Variants in CAMTA1 observed in about 807,000 individuals in gnomAD.
CAMTA1 encodes the protein calmodulin-binding transcription activator 1.
In CAMTA1, 27 loss-of-function variants were observed where a neutral mutation model predicts 170.9. The ratio of observed to expected loss-of-function variants is 0.16; its 90% CI spans 0.12 to 0.22. CAMTA1 has a LOEUF of 0.22. Among genes scored for constraint, CAMTA1 ranks in the 10% least tolerant of loss-of-function variants. The pLI, the probability that CAMTA1 is intolerant of heterozygous loss-of-function variation, is 1.00. For synonymous variants in CAMTA1, 833 were observed against 891.5 expected, an observed-to-expected ratio of 0.93 and a Z score of 1.17; for missense variants, 1,619 against 2,217.2, an observed-to-expected ratio of 0.73 and a Z score of 5.42.
chr1:7,127,397 CAA>C (rs1379549679), intron 4 of CAMTA1, among the ~76,000 whole-genome samples: 1 of 151,946 alleles, frequency 6.6e-6, no homozygotes, highest in Non-Finnish European at 1.5e-5. Context: ...CATGTTGTCT[CAA>C]AGTTTCCAGG....
intron 3 of CAMTA1, among the ~76,000 whole-genome samples, chr1:6,917,808 A>T (rs1319847613): frequency 7.4e-6 from 1 of 135,838 alleles, no homozygotes. Flanking sequence ...CCCGAGAAAG[A>T]CGCAGCAAGG....
chr1:6,895,597 C>T (rs1675463317), intron 3 of CAMTA1, among the ~76,000 whole-genome samples: 1 of 152,264 alleles, frequency 6.6e-6, no homozygotes, highest in African/African-American at 2.4e-5. Context: ...GCCTCTGCCT[C>T]TCCATTTCCT....
chr1:7,196,256 C>T (rs1047552720), intron 4 of CAMTA1, among the ~76,000 whole-genome samples: 2 of 152,098 alleles, frequency 1.3e-5, no homozygotes, highest in East Asian at 1.9e-4. Context: ...TTCCCCTTTG[C>T]CTTCTGCCAT....
At chr1:6,882,412 T>C (rs1571333201) in intron 3 of CAMTA1, among the ~76,000 whole-genome samples, 1 of 152,288 alleles carries the variant, frequency 6.6e-6, no homozygotes, top group East Asian at 1.9e-4. Context: ...TGATGGTGCC[T>C]TGGACAGAGC....
intron 3 of CAMTA1, among the ~76,000 whole-genome samples, chr1:6,983,970 T>A: frequency 8.2e-6 from 1 of 122,096 alleles, no homozygotes; most frequent in Admixed American, 8.4e-5. Flanking sequence ...GGATAAATGG[T>A]TGGGTGGATG....
rs1411166530 is a variant in CAMTA1, at chr1:7,234,733, TA to T, written c.303-14757del. Among the ~76,000 whole-genome samples the T allele has an allele frequency of 6.6e-6, 1 of 152,058 alleles. No homozygotes were observed. Among genetic ancestry groups the T allele is most frequent in the African/African-American group, 2.4e-5 (1 of 41,400 alleles). ...TTTTCAGGGACCTCCAGAGACAATT[TA>T]TGTGAACAAACTGTGGCTTAACGAT... On this transcript the variant is annotated intron_variant, in intron 4 of 22. Transcript: ENST00000303635. This position sits in a 1 kb window ranked among gnomAD's most constrained non-coding sequence, Gnocchi z 5.0.
chr1:7,449,788 A>AAG (rs58078252), intron 5 of CAMTA1, among the ~76,000 whole-genome samples: 2 of 144,114 alleles, frequency 1.4e-5, no homozygotes, highest in East Asian at 2.1e-4. Flanking sequence ...AAAAAAAAAA[A>AAG]GAAAGAAAGA....
rs535692759 is a variant in CAMTA1, at chr1:7,007,800, G to C, written c.235-83504G>C. On this transcript the variant is annotated intron_variant, in intron 3 of 22. Coordinates refer to ENST00000303635, the MANE Select transcript of CAMTA1 (RefSeq NM_015215.4). This position sits in a 1 kb window ranked among gnomAD's most constrained non-coding sequence, Gnocchi z 4.5. The stretch of plus-strand genomic sequence containing the variant: ...GGGTCATCCACTCCTCCAGAAGAGA[G>C]GCCAGGGAGCATTCCATCAGCCCCA... 6.6e-6 allele frequency among the ~76,000 whole-genome samples: 1 copy of C among 152,198 alleles called. No individual in the cohort carries two copies. The highest frequency in any genetic ancestry group is 1.9e-4 in the East Asian group (1 of 5,194).
At chr1:6,813,112 A>C (rs1185728134) in intron 1 of CAMTA1, among the ~76,000 whole-genome samples, 1 of 152,214 alleles carries the variant, frequency 6.6e-6, no homozygotes, top group East Asian at 1.9e-4. Context: ...AGTAGCACTT[A>C]ATGGCATATT....
intron 3 of CAMTA1, among the ~76,000 whole-genome samples, chr1:6,838,852 A>T (rs752850943): frequency 6.6e-6 from 1 of 152,062 alleles, no homozygotes; most frequent in Non-Finnish European, 1.5e-5. Context: ...AAATTCCTGG[A>T]CCCAAGAGAT....
intron 5 of CAMTA1, among the ~76,000 whole-genome samples, chr1:7,343,324 G>C (rs1574815563): frequency 6.6e-6 from 1 of 152,160 alleles, no homozygotes; most frequent in Non-Finnish European, 1.5e-5. Context: ...ATGGCACACG[G>C]GTGATTGATG....
rs1363295643 is a variant in CAMTA1 at position 7,737,881 on chromosome 1, G to T, written c.3659-78G>T. 11 of 1,421,502 alleles carry T rather than the reference G, an allele frequency of 7.7e-6. No individual in the cohort carries two copies. In the African/African-American group the frequency reaches 1.6e-4, roughly 20 times the overall value. The allele number at this position is 1,421,502 out of a possible 1,614,324, so 88.1% of individuals were successfully genotyped here. ...CGGCTTTGCACTTTGTGTCTCTCAG[G>T]CATAGAGAAAGTGTTGATTCTTGAG... On this transcript the variant is annotated intron_variant, in intron 15 of 22. Coordinates refer to ENST00000303635, the MANE Select transcript of CAMTA1 (RefSeq NM_015215.4).
At chr1:7,515,911 G>A (rs2094278882) in intron 6 of CAMTA1, among the ~76,000 whole-genome samples, 1 of 152,190 alleles carries the variant, frequency 6.6e-6, no homozygotes, top group Non-Finnish European at 1.5e-5. Context: ...GGGAACAGCC[G>A]ATGCAAAGGG....
chr1:7,081,508 A>G (rs1640007490), intron 3 of CAMTA1, among the ~76,000 whole-genome samples: 2 of 152,246 alleles, frequency 1.3e-5, no homozygotes, highest in African/African-American at 4.8e-5. Flanking sequence ...TTAAGGGGCA[A>G]TGAGTGTTCT....
intron 3 of CAMTA1, among the ~76,000 whole-genome samples, chr1:7,012,673 C>T (rs769174510): frequency 2.0e-5 from 3 of 152,170 alleles, no homozygotes; most frequent in African/African-American, 7.2e-5. Context: ...GCACTTCCTT[C>T]CCTTCGTGCC....
intron 1 of CAMTA1, among the ~76,000 whole-genome samples, chr1:6,804,212 C>A (rs1179671823): frequency 5.3e-5 from 7 of 132,656 alleles, no homozygotes; most frequent in African/African-American, 2.0e-4. Context: ...AAGACAGGGT[C>A]TCAATATGTT....
intron 11 of CAMTA1, among the ~76,000 whole-genome samples, chr1:7,699,858 AT>A (rs1431155342): frequency 6.6e-6 from 1 of 152,188 alleles, no homozygotes; most frequent in African/African-American, 2.4e-5. Flanking sequence ...TACTTTGCCC[AT>A]TTTAAAAACT....
At chr1:7,427,366 G>A (rs376713855) in intron 5 of CAMTA1, among the ~76,000 whole-genome samples, 4 of 152,040 alleles carry the variant, frequency 2.6e-5, no homozygotes, top group Admixed American at 6.6e-5. Context: ...AGTAGATTGC[G>A]AGTGATCCAA....
At chr1:7,002,862 C>T (rs1698437891) in intron 3 of CAMTA1, among the ~76,000 whole-genome samples, 1 of 152,186 alleles carries the variant, frequency 6.6e-6, no homozygotes, top group Non-Finnish European at 1.5e-5. Flanking sequence ...CGATGCTGAA[C>T]AGGCTCCTGG....
Sources: allele counts gnomAD v4.1 joint callset (sites outside exome capture counted in the v4.1 genomes callset), GRCh38; gene constraint gnomAD v4.1.1; non-coding constraint Gnocchi (gnomAD v3.1); transcripts MANE v1.5; gene names NCBI Gene and HGNC (gene_info 2026-07-23, HGNC 2026-07-21).